The following KIF6 variants were observed in gnomAD, a reference collection of about 807,000 sequenced individuals.
The protein encoded by KIF6 is kinesin-like protein KIF6.
In KIF6, 106 loss-of-function variants were observed where a neutral mutation model predicts 112.7. That is an observed-to-expected ratio of 0.94 (90% CI 0.80 to 1.11). KIF6 has a LOEUF of 1.11. KIF6 is among the 50% of genes least tolerant of loss of function. The pLI, the probability that KIF6 is intolerant of heterozygous loss-of-function variation, is 0.00. For missense variants in KIF6, 929 were observed against 964.0 expected (o/e 0.96, Z 0.48); for synonymous variants, 339 against 339.9 (o/e 1.00, Z 0.03).
At chr6:39,381,884 A>G (rs916269164) in intron 16 of KIF6, among the ~76,000 whole-genome samples, 8 of 152,220 alleles carry the variant, frequency 5.3e-5, no homozygotes, top group Non-Finnish European at 2.9e-5. Flanking sequence ...GCTAGGCGCT[A>G]CTGAACCTAA....
At chr6:39,397,594 C>A (rs79333652) in intron 15 of KIF6, among the ~76,000 whole-genome samples, 4,005 of 152,104 alleles carry the variant, frequency 0.026, 158 homozygotes, top group African/African-American at 0.086. Flanking sequence ...TGTTTCTTAC[C>A]GATCTCAGTC....
At chr6:39,538,970 A>C (rs1373660301) in intron 13 of KIF6, among the ~76,000 whole-genome samples, 2 of 150,792 alleles carry the variant, frequency 1.3e-5, no homozygotes, top group Admixed American at 6.6e-5. Context: ...CGCAAGGACA[A>C]AAAACCAAAC....
Position 39,596,175 on chromosome 6 carries a change from C to T in KIF6, c.725G>A (p.Arg242Gln), listed in dbSNP as rs531307501. ...GTCAACCAGATGGAGTTTGGCATGTCGTACAGTTGCAGATCCTGGTTCCTT... is the reference window on the plus strand; with the variant it reads ...GTCAACCAGATGGAGTTTGGCATGTTGTACAGTTGCAGATCCTGGTTCCTT... ...SSKEPGSATV[R>Q]HAKLHLVDLA... The change falls in exon 7 of 23, where the codon CGA becomes CAA. Residue 242 changes from arginine (R) to glutamine (Q), a missense_variant. Transcript: ENST00000287152. 8.7e-6 allele frequency: 14 copies of T among 1,613,814 alleles called. No individual in the cohort carries two copies. The Admixed American group carries it at 1.5e-4, about 17-fold the overall frequency.
At chr6:39,630,884 C>T (rs1215587350) in intron 5 of KIF6, among the ~76,000 whole-genome samples, 1 of 151,938 alleles carries the variant, frequency 6.6e-6, no homozygotes, top group Non-Finnish European at 1.5e-5. Flanking sequence ...TCATGAGAAG[C>T]TGTTGGATTT....
chr6:39,670,246 G>C (rs777756177), intron 3 of KIF6, among the ~76,000 whole-genome samples: 10 of 152,160 alleles, frequency 6.6e-5, no homozygotes, highest in Non-Finnish European at 1.2e-4. Context: ...TCATAATGCT[G>C]TTTTAGACTA....
At chr6:39,499,651 C>A (rs1776004029) in intron 13 of KIF6, among the ~76,000 whole-genome samples, 1 of 152,160 alleles carries the variant, frequency 6.6e-6, no homozygotes, top group Admixed American at 6.5e-5. Flanking sequence ...CCTCCTAGGA[C>A]CAAAATGTTT....
chr6:39,367,867 A>G (rs1318988829), intron 16 of KIF6, among the ~76,000 whole-genome samples: 1 of 152,210 alleles, frequency 6.6e-6, no homozygotes, highest in Non-Finnish European at 1.5e-5. Flanking sequence ...GGTGCACATC[A>G]GAATCACTTA....
At chr6:39,407,368 T>G (rs1769166628) in intron 15 of KIF6, among the ~76,000 whole-genome samples, 1 of 152,232 alleles carries the variant, frequency 6.6e-6, no homozygotes, top group Non-Finnish European at 1.5e-5. Flanking sequence ...TGCCCCTTGA[T>G]GTCTTTTTGC....
chr6:39,695,227 T>A (rs541889628), intron 3 of KIF6, among the ~76,000 whole-genome samples: 3 of 152,102 alleles, frequency 2.0e-5, no homozygotes, highest in Non-Finnish European at 4.4e-5. Flanking sequence ...AAAGAAAACC[T>A]AGGAAATACC....
chr6:39,473,628 A>C (rs1161034393), intron 13 of KIF6, among the ~76,000 whole-genome samples: 1 of 152,210 alleles, frequency 6.6e-6, no homozygotes, highest in Non-Finnish European at 1.5e-5. Context: ...TTAGAATGAA[A>C]AAGAAAGCAA....
At chr6:39,503,173 C>T (rs1158279907) in intron 13 of KIF6, among the ~76,000 whole-genome samples, 1 of 152,104 alleles carries the variant, frequency 6.6e-6, no homozygotes, top group Non-Finnish European at 1.5e-5. Flanking sequence ...AATTAGAACT[C>T]AAGATTAAGA....
chr6:39,522,153 C>A (rs781660874), intron 13 of KIF6, among the ~76,000 whole-genome samples: 25 of 152,288 alleles, frequency 1.6e-4, no homozygotes, highest in Middle Eastern at 3.4e-3. Flanking sequence ...TCTCTGGAGC[C>A]CTATCAAGGG....
At chr6:39,477,833 C>A (rs773735241) in intron 13 of KIF6, among the ~76,000 whole-genome samples, 9 of 151,778 alleles carry the variant, frequency 5.9e-5, no homozygotes, top group Non-Finnish European at 8.8e-5. Context: ...TGCACTCCAG[C>A]CTGGGTGACA....
At chr6:39,718,937 T>G (rs1490521159) in intron 2 of KIF6, among the ~76,000 whole-genome samples, 1 of 151,776 alleles carries the variant, frequency 6.6e-6, no homozygotes, top group Non-Finnish European at 1.5e-5. Flanking sequence ...GAGGGAGAGA[T>G]GTATATTATA....
intron 3 of KIF6, among the ~76,000 whole-genome samples, chr6:39,653,776 C>A (rs1207954027): frequency 1.3e-5 from 2 of 152,066 alleles, no homozygotes; most frequent in Non-Finnish European, 2.9e-5. Flanking sequence ...CAACAGAGGG[C>A]TTTGTGAGGC....
intron 13 of KIF6, among the ~76,000 whole-genome samples, chr6:39,508,074 T>G (rs1776545821): frequency 6.6e-6 from 1 of 151,094 alleles, no homozygotes; most frequent in South Asian, 2.1e-4. Flanking sequence ...TTCTTTTTTT[T>G]GTTGTTGTGC....
intron 15 of KIF6, among the ~76,000 whole-genome samples, chr6:39,408,441 G>A (rs111746331): frequency 1.8e-3 from 272 of 151,866 alleles, no homozygotes; most frequent in African/African-American, 6.1e-3. Flanking sequence ...GAGAAAAACT[G>A]GAAAAAAAGG....
intron 14 of KIF6, among the ~76,000 whole-genome samples, chr6:39,427,139 C>T (rs1008684365): frequency 6.6e-6 from 1 of 152,134 alleles, no homozygotes; most frequent in African/African-American, 2.4e-5. Context: ...AGGAAGCCAT[C>T]GCTGAATTTC....
chr6:39,631,946 T>C (rs2150753382), intron 5 of KIF6, among the ~76,000 whole-genome samples: 1 of 152,308 alleles, frequency 6.6e-6, no homozygotes, highest in Admixed American at 6.5e-5. Flanking sequence ...TCTATAATAG[T>C]TATTGAAGTA....
Sources: gnomAD v4.1 joint callset for allele counts (sites outside exome capture counted in the v4.1 genomes callset) on GRCh38, gnomAD v4.1.1 for gene constraint, MANE v1.5 for transcripts, NCBI Gene and HGNC (gene_info 2026-07-23, HGNC 2026-07-21) for gene names.